The following NTRK2 variants were observed in gnomAD, a reference collection of about 807,000 sequenced individuals.
The protein encoded by NTRK2 is BDNF/NT-3 growth factors receptor.
In NTRK2, 13 loss-of-function variants were observed where a neutral mutation model predicts 94.5. That is an observed-to-expected ratio of 0.14 (90% CI 0.09 to 0.22). NTRK2 has a LOEUF of 0.22. NTRK2 is among the 10% of genes least tolerant of loss of function. NTRK2 has a pLI of 1.00. For missense variants in NTRK2, 639 were observed against 1,071.2 expected (o/e 0.60, Z 5.63); for synonymous variants, 372 against 407.4 (o/e 0.91, Z 1.05).
intron 14 of NTRK2, among the ~76,000 whole-genome samples, chr9:84,916,972 G>T (rs2077412829): frequency 6.6e-6 from 1 of 152,190 alleles, no homozygotes; most frequent in Non-Finnish European, 1.5e-5. Context: ...CAGCTCGCTT[G>T]CATGTGAAAG....
chr9:84,941,519 C>G (rs1053400217), intron 15 of NTRK2, among the ~76,000 whole-genome samples: 5 of 152,208 alleles, frequency 3.3e-5, no homozygotes, highest in Non-Finnish European at 7.3e-5. Flanking sequence ...CTGGAGGATT[C>G]ATTTCACACT....
rs143067177 is a variant in NTRK2, at chr9:84,685,999, G to A, written c.212+15039G>A. Among the ~76,000 whole-genome samples the A allele has an allele frequency of 2.8e-3, 426 of 152,202 alleles. 5 individuals are homozygous for A. Among genetic ancestry groups the A allele is most frequent in the African/African-American group, 9.2e-3 (382 of 41,516 alleles). ...TTCTCTGTGTTACACAAATACACAC[G>A]GATATGCACTCATGAGCACCTTCTC... On this transcript the variant is annotated intron_variant, in intron 2 of 18. Coordinates refer to ENST00000277120, the MANE Select transcript of NTRK2 (RefSeq NM_006180.6).
chr9:84,935,272 C>G (rs1297944036), intron 15 of NTRK2, among the ~76,000 whole-genome samples: 1 of 152,102 alleles, frequency 6.6e-6, no homozygotes, highest in African/African-American at 2.4e-5. Context: ...TAGTCATAAC[C>G]AGGACAACTT....
At chr9:84,924,497 G>A (rs995976497) in intron 14 of NTRK2, among the ~76,000 whole-genome samples, 1 of 152,170 alleles carries the variant, frequency 6.6e-6, no homozygotes, top group Non-Finnish European at 1.5e-5. Context: ...GGGACTGACT[G>A]ACAAGTATTG....
intron 12 of NTRK2, among the ~76,000 whole-genome samples, chr9:84,778,186 C>A (rs1240898967): frequency 6.6e-6 from 1 of 152,072 alleles, no homozygotes; most frequent in Non-Finnish European, 1.5e-5. Flanking sequence ...TCGCTTGAGC[C>A]TGGGAGGCAG....
At chr9:84,819,524 T>C (rs1382000687) in intron 12 of NTRK2, among the ~76,000 whole-genome samples, 1 of 152,198 alleles carries the variant, frequency 6.6e-6, no homozygotes, top group Non-Finnish European at 1.5e-5. Flanking sequence ...ATTGATTACC[T>C]CTCCATCACG....
intron 12 of NTRK2, among the ~76,000 whole-genome samples, chr9:84,763,501 T>G (rs995178103): frequency 2.0e-5 from 3 of 152,122 alleles, no homozygotes; most frequent in African/African-American, 7.2e-5. Context: ...ATTTTCAATA[T>G]GAATAAAAGC....
intron 14 of NTRK2, among the ~76,000 whole-genome samples, chr9:84,900,176 A>G (rs1485776774): frequency 6.6e-5 from 10 of 152,184 alleles, no homozygotes; most frequent in Non-Finnish European, 1.3e-4. Context: ...GCACTTCCCT[A>G]TAGCCATGAT....
Position 84,954,009 on chromosome 9 carries a change from C to T in NTRK2, c.1938-1274C>T, listed in dbSNP as rs556776028. Among the ~76,000 whole-genome samples, 4 of 152,280 alleles carry T rather than the reference C, an allele frequency of 2.6e-5. No individual in the cohort carries two copies. In the East Asian group the frequency reaches 7.7e-4, roughly 29 times the overall value. On this transcript the variant is annotated intron_variant, in intron 16 of 18. Coordinates refer to ENST00000277120, the MANE Select transcript of NTRK2 (RefSeq NM_006180.6). Reference sequence around the variant, plus strand: ...GCTTGAATAGTTGGGGGAAGGAGGGCGGAGAGGCAGGGCAAACCCTGACAT... The same window carrying T: ...GCTTGAATAGTTGGGGGAAGGAGGGTGGAGAGGCAGGGCAAACCCTGACAT...
chr9:84,946,771 C>A (rs1037765315), intron 15 of NTRK2, among the ~76,000 whole-genome samples: 27 of 152,158 alleles, frequency 1.8e-4, no homozygotes, highest in African/African-American at 6.3e-4. Flanking sequence ...TTTTGCTAAG[C>A]TAAAGACAAG....
intron 14 of NTRK2, among the ~76,000 whole-genome samples, chr9:84,903,157 C>G (rs1272273435): frequency 1.3e-5 from 2 of 152,158 alleles, no homozygotes; most frequent in African/African-American, 4.8e-5. Context: ...TTTAAAGTGG[C>G]TATGAAATAA....
intron 14 of NTRK2, among the ~76,000 whole-genome samples, chr9:84,891,619 G>A (rs940504341): frequency 1.3e-5 from 2 of 152,180 alleles, no homozygotes; most frequent in East Asian, 3.9e-4. Context: ...GAAAGGTTAG[G>A]TCTTGGGACC....
chr9:85,003,206 T>C (rs1342842190), intron 17 of NTRK2, among the ~76,000 whole-genome samples: 1 of 152,162 alleles, frequency 6.6e-6, no homozygotes, highest in Non-Finnish European at 1.5e-5. Context: ...TGCAGTGCAT[T>C]CCTGGAGGCC....
intron 14 of NTRK2, among the ~76,000 whole-genome samples, chr9:84,894,394 A>G (rs2076696714): frequency 6.6e-6 from 1 of 152,188 alleles, no homozygotes; most frequent in Admixed American, 6.5e-5. Flanking sequence ...CTGCTGAACT[A>G]AGGCAAAGTT....
At chr9:84,837,775 T>TA (rs1318516016) in intron 12 of NTRK2, among the ~76,000 whole-genome samples, 1 of 152,222 alleles carries the variant, frequency 6.6e-6, no homozygotes, top group Non-Finnish European at 1.5e-5. Flanking sequence ...ACTTTTCTTT[T>TA]AAAAATTGGT....
chr9:84,912,849 C>T (rs1039740859), intron 14 of NTRK2, among the ~76,000 whole-genome samples: 7 of 152,004 alleles, frequency 4.6e-5, no homozygotes, highest in Non-Finnish European at 1.0e-4. Context: ...ATCTCCTGAC[C>T]TTGTGATCCG....
intron 12 of NTRK2, among the ~76,000 whole-genome samples, chr9:84,834,373 A>G (rs1459541362): frequency 6.6e-6 from 1 of 152,220 alleles, no homozygotes; most frequent in Non-Finnish European, 1.5e-5. Flanking sequence ...CTGATTCTAC[A>G]GTTAATAACA....
In NTRK2 at chr9:84,985,693, T is replaced by A. The variant is rs144132312; in HGVS notation, c.2172+30176T>A. 9.0e-3 allele frequency among the ~76,000 whole-genome samples: 1,366 copies of A among 152,368 alleles called. 12 individuals carry two copies. Among genetic ancestry groups the A allele is most frequent in the South Asian group, 0.03 (144 of 4,830 alleles). Reference sequence around the variant, plus strand: ...TGAGATAAAGTTCAAGATTTTAAGATGCAAGATTCATTGCATGGAAGTAAT... The same window carrying A: ...TGAGATAAAGTTCAAGATTTTAAGAAGCAAGATTCATTGCATGGAAGTAAT... On this transcript the variant is annotated intron_variant, in intron 17 of 18. Transcript: ENST00000277120.
chr9:84,812,260 C>T, intron 12 of NTRK2: 1 of 1,056,392 alleles, frequency 9.5e-7, no homozygotes, highest in Non-Finnish European at 1.1e-6. Context: ...GCATCCTTTA[C>T]ATTAGCCACT....
Sources: allele counts gnomAD v4.1 joint callset (sites outside exome capture counted in the v4.1 genomes callset), GRCh38; gene constraint gnomAD v4.1.1; transcripts MANE v1.5; gene names NCBI Gene and HGNC (gene_info 2026-07-23, HGNC 2026-07-21).